The following ACER1 variants were observed in gnomAD, a reference collection of about 807,000 sequenced individuals.
ACER1 encodes the protein alkaline ceramidase 1.
In ACER1, 28 loss-of-function variants were observed where a neutral mutation model predicts 24.9. The ratio of observed to expected loss-of-function variants is 1.13; its 90% CI spans 0.83 to 1.54. ACER1 has a LOEUF of 1.54. Ranked by LOEUF, ACER1 falls within the 40% of genes most tolerant of loss-of-function variation. The probability of loss-of-function intolerance (pLI) is 0.00; values close to 1 mark genes in which losing one functional copy is unlikely to be tolerated. For synonymous variants in ACER1, 132 were observed against 131.4 expected, an observed-to-expected ratio of 1.00 and a Z score of -0.03; for missense variants, 352 against 349.3, an observed-to-expected ratio of 1.01 and a Z score of -0.06.
At chr19:6,327,358 G>T (rs551601898) in intron 1 of ACER1, among the ~76,000 whole-genome samples, 3 of 152,098 alleles carry the variant, frequency 2.0e-5, no homozygotes, top group Non-Finnish European at 4.4e-5. Context: ...AAAGTCAGGA[G>T]ATCGAGACCA....
At chr19:6,347,961 G>T in the ACER1 span, among the ~76,000 whole-genome samples, 1 of 151,180 alleles carries the variant, frequency 6.6e-6, no homozygotes, top group South Asian at 2.1e-4. Context: ...AGGCCAAGGT[G>T]GGGGGCGGAT....
intron 1 of ACER1, among the ~76,000 whole-genome samples, chr19:6,322,061 G>T (rs2091633697): frequency 6.6e-6 from 1 of 151,986 alleles, no homozygotes; most frequent in Non-Finnish European, 1.5e-5. Flanking sequence ...GCAGGGAAGG[G>T]TCACCAACAC....
rs761065085 is a variant in ACER1, at chr19:6,323,518, C to CT, written c.93+9940dup. Reference sequence around the variant, plus strand: ...CCACGTAAGATGTGACTTGCTCCTCCTTGCCTTCCACCATGATTGTGAGGC... The same window carrying CT: ...CCACGTAAGATGTGACTTGCTCCTCCTTTGCCTTCCACCATGATTGTGAGGC... On this transcript the variant is annotated intron_variant, in intron 1 of 5. Transcript: ENST00000301452. Among the ~76,000 whole-genome samples, 8 of 152,312 alleles carry CT rather than the reference C, an allele frequency of 5.3e-5. No homozygotes were observed. The East Asian group carries it at 1.5e-3, about 29-fold the overall frequency.
At chr19:6,328,726 G>A (rs923863682) in intron 1 of ACER1, among the ~76,000 whole-genome samples, 16 of 149,794 alleles carry the variant, frequency 1.1e-4, no homozygotes, top group Admixed American at 9.3e-4. Context: ...GAGTGCAGTG[G>A]CACCATCTCC....
chr19:6,337,640 TTTTCTTTTCTTTC>T (rs2091719522), upstream of ACER1, among the ~76,000 whole-genome samples: 1 of 114,498 alleles, frequency 8.7e-6, no homozygotes, highest in South Asian at 2.7e-4. Context: ...TTTCTTTTTC[TTTTCTTTTCTTTC>T]TTTCTTTCTT....
chr19:6,349,404 AGAAGG>A, the ACER1 span, among the ~76,000 whole-genome samples: 3 of 133,392 alleles, frequency 2.2e-5, no homozygotes, highest in African/African-American at 8.8e-5. Flanking sequence ...AGGGAGGGAG[AGAAGG>A]AAGGAAAGAA....
chr19:6,358,569 G>A, the ACER1 span, among the ~76,000 whole-genome samples: 1 of 151,460 alleles, frequency 6.6e-6, no homozygotes, highest in African/African-American at 2.4e-5. Context: ...GGAGCTTGCA[G>A]TGAGCCGAGA....
rs548297594 is a variant in ACER1, at chr19:6,311,646, A to AAGGAGAAGGAGGAGGAGAAGGAGG, written c.350+479_350+502dup. ...GGAGGAGGAGGAGAAGAAGAAGAAG[A>AAGGAGAAGGAGGAGGAGAAGGAGG]AGGAGAAGGAGGAGGAGAAGGAGGA... On this transcript the variant is annotated intron_variant, in intron 3 of 5. Transcript: ENST00000301452. Among the ~76,000 whole-genome samples the AAGGAGAAGGAGGAGGAGAAGGAGG allele has an allele frequency of 5.1e-4, 75 of 148,350 alleles. 1 individual carries two copies. Among genetic ancestry groups the AAGGAGAAGGAGGAGGAGAAGGAGG allele is most frequent in the Non-Finnish European group, 8.8e-4 (59 of 66,920 alleles).
rs541653167 is a variant in ACER1 at position 6,313,028 on chromosome 19, C to T, written c.94-529G>A. On this transcript the variant is annotated intron_variant, in intron 1 of 5. Coordinates refer to ENST00000301452, the MANE Select transcript of ACER1 (RefSeq NM_133492.3). ...GCTGGTCATCCATAGATCAATTTCT[C>T]GATCCGTTATTGGTTCATTCATTCA... Among the ~76,000 whole-genome samples the T allele has an allele frequency of 5.3e-5, 8 of 152,216 alleles. No individual in the cohort carries two copies. In the South Asian group the frequency reaches 8.3e-4, roughly 16 times the overall value.
the ACER1 span, among the ~76,000 whole-genome samples, chr19:6,346,277 T>G: frequency 6.6e-6 from 1 of 152,122 alleles, no homozygotes; most frequent in Admixed American, 6.6e-5. Context: ...TCTGGAAGTA[T>G]CTCTTCAACT....
the ACER1 span, among the ~76,000 whole-genome samples, chr19:6,350,184 G>T: frequency 1.3e-5 from 2 of 150,420 alleles, no homozygotes; most frequent in African/African-American, 5.0e-5. Flanking sequence ...GGGGAGGGAA[G>T]GGTCCGGGCG....
chr19:6,337,952 C>A (rs1309082935), upstream of ACER1, among the ~76,000 whole-genome samples: 1 of 151,638 alleles, frequency 6.6e-6, no homozygotes, highest in Non-Finnish European at 1.5e-5. Flanking sequence ...GCTGGGACTA[C>A]AGGCGTGAGC....
intron 1 of ACER1, among the ~76,000 whole-genome samples, chr19:6,316,542 C>T (rs995731358): frequency 1.3e-5 from 2 of 151,940 alleles, no homozygotes; most frequent in East Asian, 1.9e-4. Flanking sequence ...AATATCGGGC[C>T]GGGCGCGGTG....
intron 1 of ACER1, among the ~76,000 whole-genome samples, chr19:6,329,454 G>A (rs561381840): frequency 2.0e-5 from 3 of 150,920 alleles, no homozygotes; most frequent in Non-Finnish European, 3.0e-5. Flanking sequence ...CTCGTTTTGT[G>A]CAACTTTTGT....
chr19:6,324,884 G>GAAGGAAGGAAGA (rs2091652732), intron 1 of ACER1, among the ~76,000 whole-genome samples: 1 of 149,646 alleles, frequency 6.7e-6, no homozygotes, highest in Admixed American at 6.7e-5. Flanking sequence ...AGGAAGGAAG[G>GAAGGAAGGAAGA]AAGGAAGGAA....
At chr19:6,314,947 A>G (rs903718162) in intron 1 of ACER1, among the ~76,000 whole-genome samples, 4 of 151,936 alleles carry the variant, frequency 2.6e-5, no homozygotes, top group African/African-American at 7.3e-5. Flanking sequence ...GCTGGAGTGC[A>G]GTGGCGCGAT....
intron 1 of ACER1, among the ~76,000 whole-genome samples, chr19:6,324,916 A>AAGGAGGG (rs2091653563): frequency 7.6e-6 from 1 of 131,874 alleles, no homozygotes; most frequent in African/African-American, 2.8e-5. Flanking sequence ...AGGAAGGAGG[A>AAGGAGGG]AGGAAGGAAA....
the ACER1 span, among the ~76,000 whole-genome samples, chr19:6,348,578 A>C: frequency 6.6e-6 from 1 of 152,104 alleles, no homozygotes; most frequent in Non-Finnish European, 1.5e-5. Flanking sequence ...CGTCACAAAG[A>C]AAACATCCAT....
chr19:6,312,562 C>G (rs2091587485), intron 1 of ACER1, 63 bp from the exon 2 acceptor site: 1 of 1,306,212 alleles, frequency 7.7e-7, no homozygotes, highest in Non-Finnish European at 1.1e-6. Context: ...AGGCTGCCCT[C>G]TGTCCAGACA....
Sources: allele counts gnomAD v4.1 joint callset (sites outside exome capture counted in the v4.1 genomes callset), GRCh38; gene constraint gnomAD v4.1.1; transcripts MANE v1.5; gene names NCBI Gene and HGNC (gene_info 2026-07-23, HGNC 2026-07-21).